ITFG1: variants seen among roughly 807,000 people sequenced by gnomAD.
ITFG1 encodes T-cell immunomodulatory protein.
Under a neutral mutation model 81.8 loss-of-function variants are expected in ITFG1, and 34 were observed. That is an observed-to-expected ratio of 0.42 (90% confidence interval 0.32 to 0.55). ITFG1 has a LOEUF of 0.55. Among genes scored for constraint, ITFG1 ranks in the 20% least tolerant of loss-of-function variants. The pLI is 0.17. For missense variants in ITFG1, 672 were observed against 755.4 expected (o/e 0.89, Z 1.29); for synonymous variants, 285 against 270.6 (o/e 1.05, Z -0.52).
At chr16:47,373,283 TC>T (rs1206151615) in intron 7 of ITFG1, among the ~76,000 whole-genome samples, 3 of 152,120 alleles carry the variant, frequency 2.0e-5, no homozygotes, top group African/African-American at 7.2e-5. Flanking sequence ...GAATACTACA[TC>T]TTTTTTTTTC....
chr16:47,390,049 A>G (rs1017711646), intron 6 of ITFG1, among the ~76,000 whole-genome samples: 2 of 152,246 alleles, frequency 1.3e-5, no homozygotes, highest in African/African-American at 4.8e-5. Flanking sequence ...CAAAGCTTAA[A>G]ATAAGCCATT....
chr16:47,344,658 T>G (rs1967827500), intron 8 of ITFG1, among the ~76,000 whole-genome samples: 1 of 152,204 alleles, frequency 6.6e-6, no homozygotes, highest in Non-Finnish European at 1.5e-5. Context: ...TAGGCATATA[T>G]ATTAATGGGT....
chr16:47,217,860 GCTT>G (rs1391368710), intron 14 of ITFG1, among the ~76,000 whole-genome samples: 1 of 152,246 alleles, frequency 6.6e-6, no homozygotes, highest in Non-Finnish European at 1.5e-5. Flanking sequence ...GGGAGGCGGA[GCTT>G]GCAGTGAGCT....
At chr16:47,218,228 A>C (rs959066735) in intron 14 of ITFG1, 3 of 152,204 alleles carry the variant, frequency 2.0e-5, no homozygotes, top group Non-Finnish European at 4.4e-5. Context: ...ATCTTAAAAG[A>C]AGCATATTCA....
chr16:47,225,233 A>G (rs962634438), intron 13 of ITFG1, among the ~76,000 whole-genome samples: 1 of 152,166 alleles, frequency 6.6e-6, no homozygotes, highest in Non-Finnish European at 1.5e-5. Flanking sequence ...AATTCATATT[A>G]TCTAGTCTGA....
chr16:47,329,867 T>C (rs937473246), intron 8 of ITFG1, among the ~76,000 whole-genome samples: 2 of 152,092 alleles, frequency 1.3e-5, no homozygotes, highest in Non-Finnish European at 2.9e-5. Flanking sequence ...TCCCTTTGCA[T>C]AGTTCTTGGC....
At chr16:47,445,664 C>T (rs947145364) in intron 5 of ITFG1, among the ~76,000 whole-genome samples, 1 of 152,150 alleles carries the variant, frequency 6.6e-6, no homozygotes, top group African/African-American at 2.4e-5. Context: ...TAGCTAGTCC[C>T]ATGACCTATT....
intron 8 of ITFG1, among the ~76,000 whole-genome samples, chr16:47,316,092 T>C (rs1256990141): frequency 1.3e-5 from 2 of 152,162 alleles, no homozygotes; most frequent in African/African-American, 4.8e-5. Context: ...CCTCTGGCCT[T>C]ATTTTTAAAA....
At chr16:47,375,243 G>C (rs147323826) in intron 7 of ITFG1, among the ~76,000 whole-genome samples, 232 of 152,222 alleles carry the variant, frequency 1.5e-3, no homozygotes, top group African/African-American at 5.4e-3. Context: ...CACTGTGATG[G>C]CCAGTTTGGT....
chr16:47,274,664 A>T (rs1404617776), intron 10 of ITFG1, among the ~76,000 whole-genome samples: 2 of 152,186 alleles, frequency 1.3e-5, no homozygotes, highest in Non-Finnish European at 2.9e-5. Context: ...AAAACTGCCA[A>T]ACAATAGAAT....
intron 5 of ITFG1, among the ~76,000 whole-genome samples, chr16:47,433,790 T>C (rs1436952556): frequency 3.5e-5 from 5 of 142,894 alleles, no homozygotes; most frequent in Non-Finnish European, 7.6e-5. Flanking sequence ...TATATATATA[T>C]ATACACACAC....
chr16:47,346,515 A>G (rs1242438853), intron 8 of ITFG1, among the ~76,000 whole-genome samples: 2 of 152,358 alleles, frequency 1.3e-5, no homozygotes, highest in East Asian at 3.9e-4. Flanking sequence ...AAAGATGAGC[A>G]AAATCTACAA....
rs1252559074 is a variant in ITFG1 at position 47,162,999 on chromosome 16, G to A, written c.1454-335C>T. On this transcript the variant is annotated intron_variant, in intron 14 of 17. Transcript: ENST00000320640. ...ATTTTTAAATATTTGTGGAGACGGG[G>A]TCTTACTATGTTGCCCGGCCTTGAA... Among the ~76,000 whole-genome samples, 3 of 152,158 alleles carry A rather than the reference G, an allele frequency of 2.0e-5. No individual in the cohort carries two copies. The South Asian group carries it at 6.2e-4, about 32-fold the overall frequency.
intron 12 of ITFG1, among the ~76,000 whole-genome samples, chr16:47,250,592 A>G (rs1966061246): frequency 6.6e-6 from 1 of 152,200 alleles, no homozygotes; most frequent in Non-Finnish European, 1.5e-5. Flanking sequence ...AAAAAACAGA[A>G]AACATATTGG....
At chr16:47,402,969 T>A (rs1968680713) in intron 6 of ITFG1, among the ~76,000 whole-genome samples, 1 of 152,288 alleles carries the variant, frequency 6.6e-6, no homozygotes, top group South Asian at 2.1e-4. Context: ...TACTGCACTA[T>A]TATAATAAGA....
intron 12 of ITFG1, among the ~76,000 whole-genome samples, chr16:47,247,605 T>C (rs1966017153): frequency 6.6e-6 from 1 of 152,202 alleles, no homozygotes; most frequent in Non-Finnish European, 1.5e-5. Flanking sequence ...GATGTGATCA[T>C]GGGCAAATCA....
chr16:47,430,057 CTT>C (rs920966590), intron 5 of ITFG1, among the ~76,000 whole-genome samples: 18 of 121,976 alleles, frequency 1.5e-4, no homozygotes, highest in Admixed American at 2.5e-4. Context: ...TTTTACTTTT[CTT>C]TTTTTTTTTT....
At chr16:47,196,138 C>A (rs1965354668) in intron 14 of ITFG1, among the ~76,000 whole-genome samples, 1 of 150,104 alleles carries the variant, frequency 6.7e-6, no homozygotes, top group Admixed American at 6.6e-5. Context: ...TTTCCTCTAG[C>A]TTATTTCAAG....
At chr16:47,441,417 G>A (rs1302213296) in intron 5 of ITFG1, among the ~76,000 whole-genome samples, 2 of 152,172 alleles carry the variant, frequency 1.3e-5, no homozygotes, top group Non-Finnish European at 2.9e-5. Context: ...GAACATTGAT[G>A]CACAAATCCT....
Sources: gnomAD v4.1 joint callset for allele counts (sites outside exome capture counted in the v4.1 genomes callset) on GRCh38, gnomAD v4.1.1 for gene constraint, MANE v1.5 for transcripts, NCBI Gene and HGNC (gene_info 2026-07-23, HGNC 2026-07-21) for gene names.